The following MAGI2 variants were observed in gnomAD, a reference collection of about 807,000 sequenced individuals.
The protein encoded by MAGI2 is membrane associated guanylate kinase, WW and PDZ domain containing 2.
In MAGI2, 35 loss-of-function variants were observed where a neutral mutation model predicts 133.3. The ratio of observed to expected loss-of-function variants is 0.26; its 90% CI spans 0.20 to 0.35. The LOEUF is 0.35. Among genes scored for constraint, MAGI2 ranks in the 10% least tolerant of loss-of-function variants. The probability of loss-of-function intolerance (pLI) is 1.00; values close to 1 mark genes in which losing one functional copy is unlikely to be tolerated. For missense variants in MAGI2, 1,636 were observed against 1,863.4 expected (o/e 0.88, Z 2.25); for synonymous variants, 729 against 710.6 (o/e 1.03, Z -0.41).
At chr7:78,524,660 C>G (rs1318975592) in intron 3 of MAGI2, among the ~76,000 whole-genome samples, 1 of 152,108 alleles carries the variant, frequency 6.6e-6, no homozygotes, top group East Asian at 1.9e-4. Context: ...TAAAATAAAT[C>G]AGACCTCTAT....
At chr7:79,263,411 C>T (rs1449196772) in intron 1 of MAGI2, among the ~76,000 whole-genome samples, 2 of 151,968 alleles carry the variant, frequency 1.3e-5, no homozygotes, top group South Asian at 4.1e-4. Flanking sequence ...GGATTCACAT[C>T]CTGGTTTCCC....
At chr7:78,299,905 G>T (rs983453973) in intron 9 of MAGI2, among the ~76,000 whole-genome samples, 1 of 152,100 alleles carries the variant, frequency 6.6e-6, no homozygotes, top group African/African-American at 2.4e-5. Flanking sequence ...AATCAAAAAA[G>T]TATGGAAACT....
chr7:78,935,056 G>A (rs184903960), intron 2 of MAGI2, among the ~76,000 whole-genome samples: 97 of 152,176 alleles, frequency 6.4e-4, no homozygotes, highest in Non-Finnish European at 1.2e-3. Flanking sequence ...ACCATAATGA[G>A]TAAATAATTA....
Position 78,160,096 on chromosome 7 carries a change from C to T in MAGI2, c.2774G>A (p.Arg925His), listed in dbSNP as rs1178344862. The change falls in exon 16 of 22, where the codon CGC becomes CAC. Residue 925 changes from arginine to histidine, a missense_variant. Coordinates refer to ENST00000354212, the MANE Select transcript of MAGI2 (RefSeq NM_012301.4). ...SLQTSDVVIHRKENEGFGFVI... is the reference protein window; with the variant it reads ...SLQTSDVVIHHKENEGFGFVI... ...AAAGCCGAAGCCCTCATTCTCTTTG[C>T]GGTGAATGACCACATCACTGGTCTG... 7 of 1,609,690 alleles carry T rather than the reference C, an allele frequency of 4.3e-6. No homozygotes were observed. The highest frequency in any genetic ancestry group is 2.2e-5 in the East Asian group (1 of 44,754).
chr7:78,607,768 T>A (rs1258977535), intron 3 of MAGI2, among the ~76,000 whole-genome samples: 1 of 152,180 alleles, frequency 6.6e-6, no homozygotes, highest in Non-Finnish European at 1.5e-5. Flanking sequence ...TGTTACATCC[T>A]CATGGACAAT....
chr7:78,572,277 G>C (rs1184301329), intron 3 of MAGI2, among the ~76,000 whole-genome samples: 2 of 152,120 alleles, frequency 1.3e-5, no homozygotes, highest in Non-Finnish European at 2.9e-5. Context: ...ATCAGGGTTT[G>C]TGATATCCTT....
chr7:78,474,507 A>C (rs1299017595), intron 6 of MAGI2, among the ~76,000 whole-genome samples: 1 of 152,058 alleles, frequency 6.6e-6, no homozygotes, highest in Admixed American at 6.6e-5. Flanking sequence ...GAGGATTGCC[A>C]AGCCCTATAG....
intron 4 of MAGI2, among the ~76,000 whole-genome samples, chr7:78,511,235 T>C (rs376647074): frequency 6.6e-6 from 1 of 152,110 alleles, no homozygotes; most frequent in South Asian, 2.1e-4. Flanking sequence ...AAATTATGAT[T>C]ATTTTATTTC....
At chr7:78,135,263 A>T (rs1821993277) in intron 16 of MAGI2, 57 bp from the exon 17 acceptor site, 3 of 1,398,696 alleles carry the variant, frequency 2.1e-6, no homozygotes, top group Non-Finnish European at 3.0e-6. Flanking sequence ...ATGTTCTTTC[A>T]GTCCCAGCCC....
At chr7:78,765,621 ACGGGTGTGAGCCATAACGCC>A (rs1424060933) in intron 2 of MAGI2, among the ~76,000 whole-genome samples, 1 of 152,066 alleles carries the variant, frequency 6.6e-6, no homozygotes, top group Non-Finnish European at 1.5e-5. Flanking sequence ...TGCTGAGATT[ACGGGTGTGAGCCATAACGCC>A]CGGCCCTAGT....
At chr7:79,440,036 T>C (rs1848395498) in intron 1 of MAGI2, among the ~76,000 whole-genome samples, 1 of 152,138 alleles carries the variant, frequency 6.6e-6, no homozygotes, top group Non-Finnish European at 1.5e-5. Flanking sequence ...AAAGCTCATC[T>C]TTCTAACCAT....
chr7:78,278,399 C>T (rs1034593182), intron 9 of MAGI2, among the ~76,000 whole-genome samples: 10 of 152,056 alleles, frequency 6.6e-5, no homozygotes, highest in African/African-American at 9.7e-5. Flanking sequence ...CCTGCACTCC[C>T]GCCTTGTGTT....
At chr7:78,242,618 C>T (rs1791277627) in intron 10 of MAGI2, among the ~76,000 whole-genome samples, 1 of 152,064 alleles carries the variant, frequency 6.6e-6, no homozygotes, top group Admixed American at 6.6e-5. Flanking sequence ...TCCTAATCTC[C>T]CTGGATACAA....
intron 2 of MAGI2, among the ~76,000 whole-genome samples, chr7:78,900,085 G>T (rs1210525582): frequency 6.6e-6 from 1 of 152,058 alleles, no homozygotes; most frequent in East Asian, 1.9e-4. Flanking sequence ...TTGCTTTTGT[G>T]TTACTTTGTG....
chr7:78,963,781 A>G (rs1031085609), intron 2 of MAGI2, among the ~76,000 whole-genome samples: 1 of 152,058 alleles, frequency 6.6e-6, no homozygotes, highest in Non-Finnish European at 1.5e-5. Context: ...CAGATAAAGA[A>G]CAATAGATTA....
chr7:78,620,414 GTCA>G (rs1807601451), intron 3 of MAGI2, among the ~76,000 whole-genome samples: 1 of 151,960 alleles, frequency 6.6e-6, no homozygotes, highest in African/African-American at 2.4e-5. Flanking sequence ...TACATCTTCT[GTCA>G]TCATAGCAGT....
At chr7:78,421,654 T>TA (rs950172800) in intron 6 of MAGI2, among the ~76,000 whole-genome samples, 2 of 151,808 alleles carry the variant, frequency 1.3e-5, no homozygotes, top group Non-Finnish European at 2.9e-5. Context: ...ATCTACCAAA[T>TA]AAAAAAATTA....
chr7:78,959,580 A>G (rs928736395), intron 2 of MAGI2, among the ~76,000 whole-genome samples: 1 of 152,098 alleles, frequency 6.6e-6, no homozygotes, highest in Non-Finnish European at 1.5e-5. Flanking sequence ...ACATTATAAC[A>G]TCTCTTTCAT....
At position 78,019,575 on chromosome 7, in the gene MAGI2, G is replaced by C; in HGVS notation, c.4108C>G (p.Arg1370Gly). The C allele has an allele frequency of 3.1e-6, 3 of 980,168 alleles. No homozygotes were observed. Among genetic ancestry groups the C allele is most frequent in the Non-Finnish European group, 2.4e-6 (2 of 828,036 alleles). 60.7% of individuals were successfully genotyped at this position (980,168 alleles called of 1,614,324 possible). A position where few individuals can be genotyped will look rare whatever the true frequency, so the allele number is the denominator to read the frequency against. ...AARAGGKEAP[R>G]AAAGSELCRR... is the part of the protein sequence containing the mutation. ...CAGAGCTCGGAGCCCGCCGCCGCACGGGGCGCCTCCTTCCCGCCCGCCCGC... is the reference window on the plus strand; with the variant it reads ...CAGAGCTCGGAGCCCGCCGCCGCACCGGGCGCCTCCTTCCCGCCCGCCCGC... Residue 1370 changes from arginine to glycine, a missense_variant, in exon 22 of 22, where the codon CGT becomes GGT. This residue lies in a region of MAGI2 where 354 missense variants were observed against 298.7 expected (regional missense o/e 1.19). Coordinates refer to ENST00000354212, the MANE Select transcript of MAGI2 (RefSeq NM_012301.4).
Sources: gnomAD v4.1 joint callset for allele counts (sites outside exome capture counted in the v4.1 genomes callset) on GRCh38, gnomAD v4.1.1 for gene constraint, gnomAD v4.1.1 regional missense constraint, MANE v1.5 for transcripts, NCBI Gene and HGNC (gene_info 2026-07-23, HGNC 2026-07-21) for gene names.